Variants in EPB41L2 observed in about 807,000 individuals in gnomAD.
EPB41L2 encodes the protein band 4.1-like protein 2.
Under a neutral mutation model 113.0 loss-of-function variants are expected in EPB41L2, and 43 were observed. That is an observed-to-expected ratio of 0.38 (90% CI 0.30 to 0.49). EPB41L2 has a LOEUF of 0.49. EPB41L2 is among the 20% of genes least tolerant of loss of function. The pLI, the probability that EPB41L2 is intolerant of heterozygous loss-of-function variation, is 0.95. For synonymous variants in EPB41L2, 442 were observed against 436.7 expected (o/e 1.01, Z -0.15); for missense variants, 1,147 against 1,223.4 (o/e 0.94, Z 0.93).
At chr6:130,894,569 T>G in intron 9 of EPB41L2, 128 bp from the exon 10 acceptor site, 1 of 740,554 alleles carries the variant, frequency 1.4e-6, no homozygotes, top group Non-Finnish European at 2.2e-6. Flanking sequence ...ATATTGCATA[T>G]CTAATATAAT....
In EPB41L2 at chr6:130,896,471, G is replaced by A. The variant is rs565254208; in HGVS notation, c.1237-1352C>T. On this transcript the variant is annotated intron_variant, in intron 8 of 19. Coordinates refer to ENST00000337057, the MANE Select transcript of EPB41L2 (RefSeq NM_001431.4). ...CCGGGAGCAAGGCAGAAGATTGCCC[G>A]AGACGGCATGTTCTTACCACAAGTG... Among the ~76,000 whole-genome samples the A allele has an allele frequency of 4.1e-4, 63 of 152,290 alleles. 1 individual carries two copies. The South Asian group carries it at 1.0e-2, about 24-fold the overall frequency.
intron 15 of EPB41L2, chr6:130,868,137 G>A (rs1362230751): frequency 6.4e-6 from 1 of 155,076 alleles, no homozygotes; most frequent in African/African-American, 2.4e-5. Context: ...GCCTTTAACT[G>A]GCATGCCAGC....
intron 4 of EPB41L2, among the ~76,000 whole-genome samples, chr6:130,910,518 T>C (rs1260436604): frequency 6.6e-6 from 1 of 152,164 alleles, no homozygotes; most frequent in African/African-American, 2.4e-5. Flanking sequence ...AAAGCCAAAA[T>C]TGACAAATGA....
At chr6:131,033,057 G>A (rs1289705819) in intron 1 of EPB41L2, among the ~76,000 whole-genome samples, 2 of 151,998 alleles carry the variant, frequency 1.3e-5, no homozygotes, top group African/African-American at 2.4e-5. Flanking sequence ...TGTAGTTTTA[G>A]TAGAGACAGG....
intron 1 of EPB41L2, among the ~76,000 whole-genome samples, chr6:131,046,734 G>A (rs1795538457): frequency 6.6e-6 from 1 of 152,098 alleles, no homozygotes; most frequent in Non-Finnish European, 1.5e-5. Context: ...TAAGGTGGAG[G>A]TTATCACCTT....
At chr6:130,846,357 C>T (rs943617326) in intron 19 of EPB41L2, among the ~76,000 whole-genome samples, 1 of 152,130 alleles carries the variant, frequency 6.6e-6, no homozygotes, top group Admixed American at 6.5e-5. Flanking sequence ...TCAATAGATA[C>T]AATTCACATG....
At chr6:130,874,907 G>A (rs1332536414) in intron 14 of EPB41L2, among the ~76,000 whole-genome samples, 1 of 152,130 alleles carries the variant, frequency 6.6e-6, no homozygotes. Context: ...AAATTTGATC[G>A]AATGATACCA....
intron 19 of EPB41L2, among the ~76,000 whole-genome samples, chr6:130,842,490 T>C (rs1775820978): frequency 6.6e-6 from 1 of 152,112 alleles, no homozygotes. Flanking sequence ...GTTTAGTAAA[T>C]ATGCATCATT....
chr6:130,971,905 G>A (rs1466240434), intron 1 of EPB41L2, among the ~76,000 whole-genome samples: 1 of 152,044 alleles, frequency 6.6e-6, no homozygotes, highest in Non-Finnish European at 1.5e-5. Flanking sequence ...ATTTATACAA[G>A]AATGTCTATT....
At chr6:130,943,705 A>C (rs1204262561) in intron 3 of EPB41L2, among the ~76,000 whole-genome samples, 1 of 152,254 alleles carries the variant, frequency 6.6e-6, no homozygotes, top group East Asian at 1.9e-4. Context: ...GAGAAGAAAA[A>C]AAGCATGTGA....
chr6:131,000,954 T>C (rs775582941), intron 1 of EPB41L2, among the ~76,000 whole-genome samples: 20 of 145,120 alleles, frequency 1.4e-4, no homozygotes, highest in South Asian at 4.4e-4. Context: ...CAAAAACAGA[T>C]GAAAAATAAT....
At chr6:130,853,399 C>T (rs1323653652) in intron 19 of EPB41L2, among the ~76,000 whole-genome samples, 1 of 152,162 alleles carries the variant, frequency 6.6e-6, no homozygotes, top group Non-Finnish European at 1.5e-5. Flanking sequence ...TCCTCCTGAT[C>T]GGGACCGTTT....
At chr6:130,896,862 T>C (rs1794821882) in intron 8 of EPB41L2, among the ~76,000 whole-genome samples, 2 of 152,136 alleles carry the variant, frequency 1.3e-5, no homozygotes, top group East Asian at 1.9e-4. Context: ...GGCTTTCAAA[T>C]GAGTTCAGTA....
At chr6:130,979,691 T>A (rs902765209) in intron 1 of EPB41L2, among the ~76,000 whole-genome samples, 4 of 151,856 alleles carry the variant, frequency 2.6e-5, no homozygotes, top group African/African-American at 9.7e-5. Flanking sequence ...GAGTCAAAGG[T>A]TAGATAGTGG....
chr6:130,923,989 C>T (rs1803756729), intron 4 of EPB41L2, among the ~76,000 whole-genome samples: 1 of 152,166 alleles, frequency 6.6e-6, no homozygotes, highest in Non-Finnish European at 1.5e-5. Flanking sequence ...ACTCCCCCTC[C>T]CCCAGCCCCT....
intron 1 of EPB41L2, chr6:131,062,707 A>G (rs983779662): frequency 6.6e-6 from 1 of 151,558 alleles, no homozygotes; most frequent in African/African-American, 2.4e-5. Context: ...GGGGGGATGG[A>G]GCCGGATTTT....
At chr6:130,929,484 T>C (rs1805957534) in intron 3 of EPB41L2, among the ~76,000 whole-genome samples, 1 of 152,180 alleles carries the variant, frequency 6.6e-6, no homozygotes, top group Admixed American at 6.5e-5. Context: ...GACTGCTGGT[T>C]ACCCTGTCCG....
At chr6:130,848,145 A>C (rs1777569867) in intron 19 of EPB41L2, among the ~76,000 whole-genome samples, 1 of 151,398 alleles carries the variant, frequency 6.6e-6, no homozygotes, top group Non-Finnish European at 1.5e-5. Context: ...AGCTTAAAAC[A>C]CTATTCCCTG....
At chr6:130,873,196 G>T (rs1200692209) in intron 14 of EPB41L2, among the ~76,000 whole-genome samples, 1 of 151,934 alleles carries the variant, frequency 6.6e-6, no homozygotes, top group Non-Finnish European at 1.5e-5. Context: ...TTTGCAAAAA[G>T]AAACAGGTAA....
Sources: gnomAD v4.1 joint callset for allele counts (sites outside exome capture counted in the v4.1 genomes callset) on GRCh38, gnomAD v4.1.1 for gene constraint, MANE v1.5 for transcripts, NCBI Gene and HGNC (gene_info 2026-07-23, HGNC 2026-07-21) for gene names.